Variants in LIPM observed in about 807,000 individuals in gnomAD.
The protein encoded by LIPM is lipase family member M.
A neutral mutation model predicts 42.4 loss-of-function variants in LIPM; 42 were observed. The observed-to-expected ratio is 0.99, with a 90% CI of 0.77 to 1.28. LIPM has a LOEUF of 1.28. Among genes scored for constraint, LIPM ranks in the 50% most tolerant of loss-of-function variants. LIPM has a pLI of 0.00. For missense variants in LIPM, 524 were observed against 520.1 expected (o/e 1.01, Z -0.07); for synonymous variants, 177 against 173.3 (o/e 1.02, Z -0.17).
intron 1 of LIPM, among the ~76,000 whole-genome samples, chr10:88,804,658 C>G (rs186589467): frequency 6.6e-6 from 1 of 152,138 alleles, no homozygotes; most frequent in South Asian, 2.1e-4. Flanking sequence ...ACACTCCTAC[C>G]AGAACCATGA....
chr10:88,814,490 A>G, intron 3 of LIPM, 40 bp from the exon 4 acceptor site: 2 of 1,408,364 alleles, frequency 1.4e-6, no homozygotes, highest in Non-Finnish European at 2.0e-6. Flanking sequence ...TTTGTTTCTG[A>G]TTATAATTTT....
chr10:88,808,532 A>T, intron 2 of LIPM, 117 bp downstream of exon 2: 2 of 597,846 alleles, frequency 3.3e-6, no homozygotes, highest in South Asian at 2.2e-5. Flanking sequence ...TCCATTGTTC[A>T]GGTCAAAGGA....
At chr10:88,815,868 T>C (rs552625580) in intron 6 of LIPM, among the ~76,000 whole-genome samples, 1 of 152,328 alleles carries the variant, frequency 6.6e-6, no homozygotes, top group South Asian at 2.1e-4. Flanking sequence ...TTTAAGTTCT[T>C]TGATGGAACA....
intron 8 of LIPM, 135 bp downstream of exon 8, chr10:88,818,031 C>T: frequency 1.4e-6 from 1 of 711,776 alleles, no homozygotes; most frequent in South Asian, 1.8e-5. Flanking sequence ...TCATGTTTGA[C>T]TCCATTTGAA....
chr10:88,818,505 A>G (rs1474382629), intron 8 of LIPM, among the ~76,000 whole-genome samples: 1 of 152,250 alleles, frequency 6.6e-6, no homozygotes, highest in Non-Finnish European at 1.5e-5. Flanking sequence ...GAAAATATGT[A>G]GCTAATGCTA....
chr10:88,817,086 G>A (rs1843726765), intron 7 of LIPM, among the ~76,000 whole-genome samples, 199 bp downstream of exon 7: 1 of 152,212 alleles, frequency 6.6e-6, no homozygotes, highest in Non-Finnish European at 1.5e-5. Context: ...AAGGACAGAA[G>A]TAGCCTAAGA....
intron 5 of LIPM, 56 bp from the exon 6 acceptor site, chr10:88,815,301 A>G (rs1193113416): frequency 2.6e-6 from 4 of 1,547,250 alleles, no homozygotes; most frequent in Non-Finnish European, 2.6e-6. Flanking sequence ...TAAACTTTTA[A>G]ATTACAGTCA....
intron 4 of LIPM, 30 bp from the exon 5 acceptor site, chr10:88,815,058 A>G: frequency 6.6e-7 from 1 of 1,513,056 alleles, no homozygotes; most frequent in Non-Finnish European, 8.8e-7. Context: ...AATATTTCGT[A>G]TTCATGTTGA....
At chr10:88,805,739 T>G (rs1398571283) in intron 1 of LIPM, among the ~76,000 whole-genome samples, 2 of 152,234 alleles carry the variant, frequency 1.3e-5, no homozygotes, top group Admixed American at 6.5e-5. Flanking sequence ...TGTTCCATTT[T>G]TTTAAATAAG....
At chr10:88,818,722 A>G (rs1468965432) in intron 8 of LIPM, among the ~76,000 whole-genome samples, 1 of 152,144 alleles carries the variant, frequency 6.6e-6, no homozygotes, top group Non-Finnish European at 1.5e-5. Context: ...CCGCTGCCAT[A>G]TGTCTATCTA....
chr10:88,812,749 C>G (rs549890365), intron 2 of LIPM, among the ~76,000 whole-genome samples: 1 of 152,254 alleles, frequency 6.6e-6, no homozygotes, highest in South Asian at 2.1e-4. Context: ...TCATACTATA[C>G]CATCTACTGG....
At chr10:88,811,671 GACT>G (rs1445025153) in intron 2 of LIPM, among the ~76,000 whole-genome samples, 3 of 152,022 alleles carry the variant, frequency 2.0e-5, no homozygotes, top group Admixed American at 6.6e-5. Flanking sequence ...TAGTACAAGG[GACT>G]TCCATATGCC....
chr10:88,807,353 C>T (rs1358522502), intron 1 of LIPM, among the ~76,000 whole-genome samples: 2 of 152,130 alleles, frequency 1.3e-5, no homozygotes, highest in African/African-American at 4.8e-5. Context: ...AATGACTATG[C>T]TTTGTTTTTG....
rs574582328 is a variant in LIPM at position 88,815,440 on chromosome 10, T to C, written c.795T>C (p.Leu265=). 6.4e-7 allele frequency: 1 copy of C among 1,551,576 alleles called. No homozygotes were observed. The highest frequency in any genetic ancestry group is 1.4e-5 in the African/African-American group (1 of 73,174). ...LVIYLCGQVI[L]DQICSNIMLL... ...TTTACCTTTGTGGCCAGGTGATTCT[T>C]GATCAGATTTGTAGTAATATCATGT... Residue 265 remains leucine, a synonymous_variant, in exon 6 of 9, where the codon CTT becomes CTC. Coordinates refer to ENST00000404743, the MANE Select transcript of LIPM (RefSeq NM_001128215.1).
intron 1 of LIPM, among the ~76,000 whole-genome samples, chr10:88,806,712 G>A (rs1012493248): frequency 6.6e-6 from 1 of 152,014 alleles, no homozygotes; most frequent in Non-Finnish European, 1.5e-5. Context: ...TTGAGATGGA[G>A]TCTCCCTCTG....
At chr10:88,819,302 A>C (rs546051368) in intron 8 of LIPM, among the ~76,000 whole-genome samples, 17 of 152,300 alleles carry the variant, frequency 1.1e-4, no homozygotes, top group South Asian at 8.3e-4. Context: ...CAAACACACA[A>C]AAAAAATCAT....
Position 88,802,865 on chromosome 10 carries a change from T to A in LIPM, c.-32T>A. 1 of 1,517,170 alleles carries A rather than the reference T, an allele frequency of 6.6e-7. No homozygotes were observed. The highest frequency in any genetic ancestry group is 8.8e-7 in the Non-Finnish European group (1 of 1,133,140). 94.0% of individuals were successfully genotyped at this position (1,517,170 alleles called of 1,614,324 possible). The stretch of plus-strand genomic sequence containing the variant: ...CTTACTTTAGAATTAGTTGTTACAT[T>A]GGCAGGAAAAAATAAATGCAGATGT... On this transcript the variant is annotated 5_prime_UTR_variant, in exon 1 of 9. Transcript: ENST00000404743.
At chr10:88,814,725 C>T in intron 4 of LIPM, 86 bp downstream of exon 4, 2 of 1,015,586 alleles carry the variant, frequency 2.0e-6, no homozygotes, top group Non-Finnish European at 3.0e-6. Flanking sequence ...TCACCTTGTG[C>T]TTCCTTCAGA....
At chr10:88,811,243 T>C (rs1419265020) in intron 2 of LIPM, among the ~76,000 whole-genome samples, 2 of 152,200 alleles carry the variant, frequency 1.3e-5, no homozygotes, top group Admixed American at 6.5e-5. Context: ...CAGTACCGCA[T>C]TTAACCCTCC....
Sources: gnomAD v4.1 joint callset for allele counts (sites outside exome capture counted in the v4.1 genomes callset) on GRCh38, gnomAD v4.1.1 for gene constraint, MANE v1.5 for transcripts, NCBI Gene and HGNC (gene_info 2026-07-23, HGNC 2026-07-21) for gene names.